ADAR: variants seen among roughly 807,000 people sequenced by gnomAD.
The protein encoded by ADAR is double-stranded RNA-specific adenosine deaminase.
Under a neutral mutation model 113.2 loss-of-function variants are expected in ADAR, and 41 were observed. The ratio of observed to expected loss-of-function variants is 0.36; its 90% CI spans 0.28 to 0.47. The LOEUF is 0.47. Ranked by LOEUF, ADAR falls within the 20% of genes least tolerant of loss-of-function variation. The pLI is 1.00. For missense variants in ADAR, 1,242 were observed against 1,540.9 expected, an observed-to-expected ratio of 0.81 and a Z score of 3.25; for synonymous variants, 605 against 572.6, an observed-to-expected ratio of 1.06 and a Z score of -0.81.
intron 1 of ADAR, among the ~76,000 whole-genome samples, chr1:154,621,262 T>G (rs1698785561): frequency 6.6e-6 from 1 of 152,020 alleles, no homozygotes; most frequent in Admixed American, 6.6e-5. Context: ...GCTAGCTTTT[T>G]AAAAGTCATA....
chr1:154,626,694 T>C (rs1015983719), intron 1 of ADAR, among the ~76,000 whole-genome samples: 4 of 152,178 alleles, frequency 2.6e-5, no homozygotes, highest in African/African-American at 9.7e-5. Context: ...GCAAGGTAGA[T>C]ATAATTATCT....
intron 1 of ADAR, among the ~76,000 whole-genome samples, chr1:154,602,917 T>G (rs1697981275): frequency 6.6e-6 from 1 of 152,236 alleles, no homozygotes; most frequent in South Asian, 2.1e-4. Flanking sequence ...TACTTTTCCC[T>G]TTGACAGAAT....
At chr1:154,608,830 G>GGT (rs1698372096), upstream of ADAR, 2 of 148,442 alleles carry the variant, frequency 1.3e-5, 1 homozygote, top group Admixed American at 1.3e-4. Context: ...CAATGTGGAG[G>GGT]GGGGGGGGAG....
At chr1:154,610,822 A>AAAAAAAAAAAAAAAAAAAAAAAAAAAAAC (rs1698462290), upstream of ADAR, among the ~76,000 whole-genome samples, 1 of 34,098 alleles carries the variant, frequency 2.9e-5, no homozygotes, top group Non-Finnish European at 5.5e-5. Flanking sequence ...AAAAAAAAAA[A>AAAAAAAAAAAAAAAAAAAAAAAAAAAAAC]AGAAAAAAAA....
rs752914135 is a variant in ADAR at position 154,584,973 on chromosome 1, G to A, written c.3514C>T (p.Arg1172Cys). The A allele has an allele frequency of 6.8e-6, 11 of 1,614,054 alleles. No individual in the cohort carries two copies. The highest frequency in any genetic ancestry group is 3.3e-5 in the Admixed American group (2 of 60,010). Reference protein sequence around the residue: ...FLLFKKLCSFRYRRDLLRLSY... With the variant: ...FLLFKKLCSFCYRRDLLRLSY... ...AGTCTCAGTAGATCCCTGCGGTAACGGAAGGAGCAGAGCTTCTTAAATAGA... is the reference window on the plus strand; with the variant it reads ...AGTCTCAGTAGATCCCTGCGGTAACAGAAGGAGCAGAGCTTCTTAAATAGA... The change falls in exon 15 of 15, where the codon CGT becomes TGT. Residue 1172 changes from arginine (R) to cysteine (C), a missense_variant. Transcript: ENST00000368474.
In ADAR at chr1:154,598,533, C is replaced by T. The variant is rs771516546; in HGVS notation, c.1654G>A (p.Gly552Arg). 25 of 1,614,218 alleles carry T rather than the reference C, an allele frequency of 1.5e-5. No individual in the cohort carries two copies. The highest frequency in any genetic ancestry group is 1.9e-5 in the Non-Finnish European group (23 of 1,180,044). ...NGREFPPAEAGSKKVAKQDAA... is the reference protein window; with the variant it reads ...NGREFPPAEARSKKVAKQDAA... ...TCCTGCTTGGCCACTTTCTTGCTTC[C>T]AGCTTCAGCTGGGGGAAACTCTCGG... The change falls in exon 3 of 15, where the codon GGA becomes AGA. Residue 552 changes from glycine (G) to arginine (R), a missense_variant. Gly to Arg is a moderately radical substitution (Grantham distance 125, BLOSUM62 -2). This residue lies in a region of ADAR where 780 missense variants were observed against 1,057.9 expected (regional missense o/e 0.74). Coordinates refer to ENST00000368474, the MANE Select transcript of ADAR (RefSeq NM_001111.5).
rs750065985 is a variant in ADAR, at chr1:154,602,353, C to G, written c.289G>C (p.Val97Leu). Residue 97 changes from valine to leucine, a missense_variant, in exon 2 of 15, where the codon GTG (valine) becomes CTG (leucine). This residue lies in a region of ADAR where 462 missense variants were observed against 483.1 expected (regional missense o/e 0.96). Transcript: ENST00000368474. ...TGGAGCCCCTGACTTCTGAGATGCA[C>G]GCCCCTGGGGACACCCCTGATGTCC... ...QVDIRGVPRG[V>L]HLRSQGLQRG... is the part of the protein sequence containing the mutation. The G allele has an allele frequency of 1.2e-6, 2 of 1,607,750 alleles. No homozygotes were observed. The highest frequency in any genetic ancestry group is 1.7e-6 in the Non-Finnish European group (2 of 1,176,720).
In ADAR at chr1:154,582,252, A is replaced by C. The variant is rs950532191; in HGVS notation, c.*2554T>G. 3.3e-5 allele frequency: 5 copies of C among 152,438 alleles called. No individual in the cohort carries two copies. The highest frequency in any genetic ancestry group is 1.2e-4 in the African/African-American group (5 of 41,414). The allele number at this position is 152,438 out of a possible 1,614,324, so 9.4% of individuals were successfully genotyped here. ...AACCAAGACTCCAAAAAACCAACGA[A>C]GTCCCTTCAATGTGAGTAAAGGAAA... On this transcript the variant is annotated 3_prime_UTR_variant, in exon 15 of 15. Coordinates refer to ENST00000368474, the MANE Select transcript of ADAR (RefSeq NM_001111.5).
At chr1:154,612,318 G>GTT (rs55714254), upstream of ADAR, among the ~76,000 whole-genome samples, 2,148 of 69,244 alleles carry the variant, frequency 0.031, 491 homozygotes, top group East Asian at 0.061. Flanking sequence ...AAATTACTCA[G>GTT]TTTTTTTTTT....
At position 154,601,941 on chromosome 1, in the gene ADAR, G is replaced by A. The variant is rs769223848; in HGVS notation, c.701C>T (p.Ser234Phe). Residue 234 changes from serine to phenylalanine, a missense_variant, in exon 2 of 15, where the codon TCC becomes TTC. Coordinates refer to ENST00000368474, the MANE Select transcript of ADAR (RefSeq NM_001111.5). This position sits in a 1 kb window ranked among gnomAD's most constrained non-coding sequence, Gnocchi z 4.7. ...AAGAAGATCTTCTGAGACAGATGTG[G>A]AGTTTCTGTCTTCCGGTTCCAAACT... ...DPSLEPEDRN[S>F]TSVSEDLLEP... The A allele has an allele frequency of 6.2e-7, 1 of 1,613,910 alleles. No individual in the cohort carries two copies. The highest frequency in any genetic ancestry group is 1.3e-5 in the African/African-American group (1 of 74,858).
chr1:154,601,643 C>T lies in ADAR; in HGVS notation c.999G>A (p.Val333=), dbSNP rs781217449. Residue 333 remains valine, a synonymous_variant, in exon 2 of 15, where the codon GTG becomes GTA. Transcript: ENST00000368474. This position sits in a 1 kb window ranked among gnomAD's most constrained non-coding sequence, Gnocchi z 4.7. ...GLTKARDINA[V]LIDMERQGDV... ...CCCCCTGCCTTTCCATGTCAATTAG[C>T]ACAGCATTTATATCTCGGGCCTTGG... 6 of 1,613,930 alleles carry T rather than the reference C, an allele frequency of 3.7e-6. No homozygotes were observed. Among genetic ancestry groups the T allele is most frequent in the Non-Finnish European group, 5.1e-6 (6 of 1,180,044 alleles).
At chr1:154,594,402 A>G (rs965701403) in intron 6 of ADAR, among the ~76,000 whole-genome samples, 28 of 152,266 alleles carry the variant, frequency 1.8e-4, no homozygotes, top group Non-Finnish European at 1.0e-4. Context: ...TATACAGACA[A>G]TCTTCACCTC....
At chr1:154,591,705 T>C (rs1475468728) in intron 6 of ADAR, among the ~76,000 whole-genome samples, 1 of 152,250 alleles carries the variant, frequency 6.6e-6, no homozygotes, top group African/African-American at 2.4e-5. Flanking sequence ...TAACTGCATA[T>C]AACAGAGGCT....
At chr1:154,620,183 T>TGGACC (rs1316299680) in intron 1 of ADAR, among the ~76,000 whole-genome samples, 2 of 151,984 alleles carry the variant, frequency 1.3e-5, no homozygotes, top group Non-Finnish European at 2.9e-5. Flanking sequence ...CCAAGGCGGG[T>TGGACC]GGACCACAAG....
intron 6 of ADAR, among the ~76,000 whole-genome samples, chr1:154,596,257 T>C (rs1274203229): frequency 6.6e-6 from 1 of 152,186 alleles, no homozygotes; most frequent in Non-Finnish European, 1.5e-5. Context: ...GAATGATTTT[T>C]TTCAAGATGG....
At chr1:154,597,098 T>A in intron 5 of ADAR, 25 bp downstream of exon 5, 1 of 1,614,118 alleles carries the variant, frequency 6.2e-7, no homozygotes, top group Non-Finnish European at 8.5e-7. Context: ...ATGACCTGTA[T>A]CTTTTGAGTA....
At position 154,585,375 on chromosome 1, in the gene ADAR, T is replaced by C. The variant is rs201512585; in HGVS notation, c.3316-31A>G. ...AATCCCAGAAGCAACGGGAGAAAGA[T>C]GGAAACCTTTCAGGAATAAGATTCT... On this transcript the variant is annotated intron_variant, in intron 13 of 14. Coordinates refer to ENST00000368474, the MANE Select transcript of ADAR (RefSeq NM_001111.5). 1.8e-4 allele frequency: 297 copies of C among 1,613,936 alleles called. No homozygotes were observed. In the African/African-American group the frequency reaches 2.6e-3, roughly 14 times the overall value.
intron 2 of ADAR, 50 bp from the exon 3 acceptor site, chr1:154,598,635 C>T (rs745507587): frequency 1.3e-6 from 2 of 1,586,878 alleles, no homozygotes; most frequent in East Asian, 2.2e-5. Context: ...GTCACTCCTT[C>T]TGCCTTCTCC....
upstream of ADAR, among the ~76,000 whole-genome samples, chr1:154,612,806 T>TTTTC (rs534681029): frequency 4.8e-4 from 73 of 151,892 alleles, no homozygotes; most frequent in Non-Finnish European, 8.7e-4. Flanking sequence ...ACAACATTAA[T>TTTTC]TTTCTTTCTT....
Sources: gnomAD v4.1 joint callset for allele counts (sites outside exome capture counted in the v4.1 genomes callset) on GRCh38, gnomAD v4.1.1 for gene constraint, gnomAD v4.1.1 regional missense constraint, Gnocchi (gnomAD v3.1) non-coding constraint, MANE v1.5 for transcripts, NCBI Gene and HGNC (gene_info 2026-07-23, HGNC 2026-07-21) for gene names.